FAF1: variants seen among roughly 807,000 people sequenced by gnomAD.
FAF1 encodes the protein FAS-associated factor 1.
FAF1 carries 25 observed loss-of-function variants against 92.5 expected under a neutral mutation model. The observed-to-expected ratio is 0.27, with a 90% CI of 0.20 to 0.38. The LOEUF (loss-of-function observed/expected upper bound fraction) is 0.38. Among genes scored for constraint, FAF1 ranks in the 10% least tolerant of loss-of-function variants. The pLI, the probability that FAF1 is intolerant of heterozygous loss-of-function variation, is 1.00. For missense variants in FAF1, 636 were observed against 793.3 expected (o/e 0.80, Z 2.38); for synonymous variants, 234 against 273.2 (o/e 0.86, Z 1.42).
intron 8 of FAF1, among the ~76,000 whole-genome samples, chr1:50,653,905 T>C (rs1462218004): frequency 1.3e-5 from 2 of 152,092 alleles, no homozygotes; most frequent in East Asian, 3.9e-4. Context: ...TGACCTCAGG[T>C]AATCCACCGG....
intron 1 of FAF1, among the ~76,000 whole-genome samples, chr1:50,909,718 A>G (rs553398080): frequency 4.6e-4 from 70 of 152,314 alleles, no homozygotes; most frequent in African/African-American, 8.7e-4. Context: ...CATGGTTTTC[A>G]GCTTCATCAG....
intron 2 of FAF1, among the ~76,000 whole-genome samples, chr1:50,806,113 C>T (rs1662188002): frequency 1.3e-5 from 2 of 152,040 alleles, no homozygotes; most frequent in South Asian, 2.1e-4. Context: ...ATTTATAATA[C>T]ATGTATCTGA....
At chr1:50,536,002 G>A (rs964166492) in intron 14 of FAF1, among the ~76,000 whole-genome samples, 4 of 152,154 alleles carry the variant, frequency 2.6e-5, no homozygotes, top group Non-Finnish European at 5.9e-5. Context: ...AGGCTGACTC[G>A]AAGCCTGTCC....
chr1:50,680,776 T>C (rs1165033278), intron 7 of FAF1, among the ~76,000 whole-genome samples: 1 of 152,094 alleles, frequency 6.6e-6, no homozygotes, highest in Non-Finnish European at 1.5e-5. Context: ...AAACACTCAA[T>C]GTGGTAGCCC....
intron 4 of FAF1, among the ~76,000 whole-genome samples, chr1:50,774,880 T>C (rs916362717): frequency 5.3e-5 from 8 of 152,090 alleles, no homozygotes; most frequent in Non-Finnish European, 4.4e-5. Context: ...GAAAACAGAA[T>C]TCAGAAGGTT....
At chr1:50,709,072 A>C (rs1212439541) in intron 6 of FAF1, among the ~76,000 whole-genome samples, 1 of 152,234 alleles carries the variant, frequency 6.6e-6, no homozygotes, top group Non-Finnish European at 1.5e-5. Context: ...AAGGCCTTTC[A>C]AAGGTAGATC....
rs982787817 is a variant in FAF1, at chr1:50,781,695, C to A, written c.367+6305G>T. On this transcript the variant is annotated intron_variant, in intron 4 of 18. Coordinates refer to ENST00000396153, the MANE Select transcript of FAF1 (RefSeq NM_007051.3). ...ATACTGAACATCCATTCTATCACAG[C>A]AGAATACACACTCTTCTCAAGTGCA... 2.7e-4 allele frequency among the ~76,000 whole-genome samples: 41 copies of A among 152,146 alleles called. 2 individuals are homozygous for A. The highest frequency in any genetic ancestry group is 1.5e-3 in the Admixed American group (23 of 15,278).
rs1335984712 is a variant in FAF1, at chr1:50,438,415, C to T, written c.*3025G>A. ...TATGTATGTGAAGATCTCTCTTCCT[C>T]TAAGAATTTTAAAAAGGATCAAAAG... On this transcript the variant is annotated 3_prime_UTR_variant, in exon 19 of 19. Transcript: ENST00000396153. 6.6e-6 allele frequency: 1 copy of T among 151,954 alleles called. No individual in the cohort carries two copies. The highest frequency in any genetic ancestry group is 1.5e-5 in the Non-Finnish European group (1 of 67,992). 9.4% of individuals were successfully genotyped at this position (151,954 alleles called of 1,614,324 possible).
intron 8 of FAF1, among the ~76,000 whole-genome samples, chr1:50,622,745 A>C (rs1457120678): frequency 1.3e-5 from 2 of 152,150 alleles, no homozygotes; most frequent in Non-Finnish European, 2.9e-5. Context: ...TTTATTGGAC[A>C]CCTACTATGA....
At chr1:50,821,703 T>C (rs1644044499) in intron 2 of FAF1, among the ~76,000 whole-genome samples, 1 of 152,158 alleles carries the variant, frequency 6.6e-6, no homozygotes, top group South Asian at 2.1e-4. Flanking sequence ...TTTATGAAAC[T>C]TGCTAATACA....
chr1:50,518,529 C>G (rs1031683327), intron 15 of FAF1, among the ~76,000 whole-genome samples: 2 of 151,946 alleles, frequency 1.3e-5, no homozygotes, highest in African/African-American at 4.8e-5. Context: ...CAAGCTCCGC[C>G]TCCCGGGTTC....
chr1:50,759,378 A>G (rs1414661080), intron 4 of FAF1, among the ~76,000 whole-genome samples: 1 of 136,330 alleles, frequency 7.3e-6, no homozygotes, highest in Non-Finnish European at 1.5e-5. Flanking sequence ...TTCAATTCCC[A>G]CCTATGAGTG....
chr1:50,624,896 T>TC (rs1258733140), intron 8 of FAF1, among the ~76,000 whole-genome samples: 1 of 141,704 alleles, frequency 7.1e-6, no homozygotes, highest in Non-Finnish European at 1.5e-5. Context: ...AATCCCACAC[T>TC]CTTTTTTTTT....
intron 12 of FAF1, among the ~76,000 whole-genome samples, chr1:50,572,106 C>T (rs1360949080): frequency 6.6e-6 from 1 of 152,140 alleles, no homozygotes; most frequent in Non-Finnish European, 1.5e-5. Flanking sequence ...CATCAGTAAT[C>T]AGAATCATTA....
chr1:50,844,123 T>C (rs1340840240), intron 2 of FAF1, among the ~76,000 whole-genome samples: 1 of 152,210 alleles, frequency 6.6e-6, no homozygotes, highest in African/African-American at 2.4e-5. Context: ...ATTTCCCTGA[T>C]GATTAGTGAT....
chr1:50,743,928 G>A (rs1027593052), intron 5 of FAF1, among the ~76,000 whole-genome samples: 3 of 151,884 alleles, frequency 2.0e-5, no homozygotes, highest in Non-Finnish European at 4.4e-5. Context: ...AAAATTAGCT[G>A]GGCGTGGTGG....
intron 9 of FAF1, among the ~76,000 whole-genome samples, chr1:50,589,940 T>A (rs886927862): frequency 6.6e-6 from 1 of 152,244 alleles, no homozygotes; most frequent in Non-Finnish European, 1.5e-5. Context: ...AAACTTCCCT[T>A]TCTCCATTGA....
chr1:50,706,850 C>T (rs953572734), intron 6 of FAF1, among the ~76,000 whole-genome samples: 1 of 152,200 alleles, frequency 6.6e-6, no homozygotes, highest in African/African-American at 2.4e-5. Context: ...TAACCTTCAA[C>T]TTTCCTCCTT....
chr1:50,640,896 C>A (rs1226565036), intron 8 of FAF1, among the ~76,000 whole-genome samples: 1 of 142,154 alleles, frequency 7.0e-6, no homozygotes, highest in Non-Finnish European at 1.5e-5. Context: ...TGCAGTGGCA[C>A]CATCTCGGCT....
Sources: allele counts gnomAD v4.1 joint callset (sites outside exome capture counted in the v4.1 genomes callset), GRCh38; gene constraint gnomAD v4.1.1; transcripts MANE v1.5; gene names NCBI Gene and HGNC (gene_info 2026-07-23, HGNC 2026-07-21).